LHFPL6: variants seen among roughly 807,000 people sequenced by gnomAD.
LHFPL6 encodes LHFPL tetraspan subfamily member 6, also known as LHFPL tetraspan subfamily member 6 protein.
In LHFPL6, 9 loss-of-function variants were observed where a neutral mutation model predicts 20.6. That is an observed-to-expected ratio of 0.44 (90% CI 0.26 to 0.76). The LOEUF (loss-of-function observed/expected upper bound fraction) is 0.76. Ranked by LOEUF, LHFPL6 falls within the 30% of genes least tolerant of loss-of-function variation. The pLI is 0.20. For missense variants in LHFPL6, 218 were observed against 253.5 expected, an observed-to-expected ratio of 0.86 and a Z score of 0.95; for synonymous variants, 105 against 98.7, an observed-to-expected ratio of 1.06 and a Z score of -0.38.
chr13:39,581,003 A>G (rs932303540), intron 2 of LHFPL6, among the ~76,000 whole-genome samples: 1 of 152,196 alleles, frequency 6.6e-6, no homozygotes, highest in African/African-American at 2.4e-5. Context: ...TTACTTACAG[A>G]CTTGAGGAAA....
intron 2 of LHFPL6, among the ~76,000 whole-genome samples, chr13:39,399,547 A>AAG (rs1870931782): frequency 6.6e-6 from 1 of 152,232 alleles, no homozygotes; most frequent in Non-Finnish European, 1.5e-5. Context: ...TTAGGATAGC[A>AAG]GAATTGGCAA....
intron 2 of LHFPL6, among the ~76,000 whole-genome samples, chr13:39,419,426 C>T (rs1334018267): frequency 1.3e-5 from 2 of 152,106 alleles, no homozygotes; most frequent in African/African-American, 4.8e-5. Context: ...GAAATGGTTT[C>T]AAAACATATT....
chr13:39,474,669 T>C (rs112727972), intron 2 of LHFPL6, among the ~76,000 whole-genome samples: 66 of 152,292 alleles, frequency 4.3e-4, no homozygotes, highest in African/African-American at 1.4e-3. Context: ...ATTATAAACA[T>C]TTATTAAACT....
chr13:39,414,062 T>C (rs1286305770), intron 2 of LHFPL6, among the ~76,000 whole-genome samples: 2 of 152,220 alleles, frequency 1.3e-5, no homozygotes, highest in African/African-American at 4.8e-5. Flanking sequence ...TCCACTCTAC[T>C]GTTCATAGGC....
At chr13:39,570,656 T>C (rs561290629) in intron 2 of LHFPL6, among the ~76,000 whole-genome samples, 1 of 152,066 alleles carries the variant, frequency 6.6e-6, no homozygotes, top group Non-Finnish European at 1.5e-5. Flanking sequence ...GCAATTACCA[T>C]TTGCAGCAAC....
chr13:39,374,772 T>C (rs962027986), intron 3 of LHFPL6, among the ~76,000 whole-genome samples: 1 of 152,196 alleles, frequency 6.6e-6, no homozygotes, highest in African/African-American at 2.4e-5. Flanking sequence ...ACTTCACATT[T>C]ATATTATCTT....
At chr13:39,600,130 C>T (rs1872887756) in intron 2 of LHFPL6, among the ~76,000 whole-genome samples, 1 of 152,182 alleles carries the variant, frequency 6.6e-6, no homozygotes, top group South Asian at 2.1e-4. Context: ...AAAAATCAAA[C>T]CTTTTCTGGC....
At chr13:39,593,019 T>C (rs534747180) in intron 2 of LHFPL6, among the ~76,000 whole-genome samples, 2 of 152,322 alleles carry the variant, frequency 1.3e-5, no homozygotes, top group East Asian at 3.9e-4. Context: ...TATATCATAC[T>C]GAATGGGCAA....
At chr13:39,543,865 C>A (rs961537412) in intron 2 of LHFPL6, among the ~76,000 whole-genome samples, 3 of 152,190 alleles carry the variant, frequency 2.0e-5, no homozygotes, top group Non-Finnish European at 4.4e-5. Flanking sequence ...GCAGACAAAG[C>A]AGTATCTTGA....
intron 2 of LHFPL6, among the ~76,000 whole-genome samples, chr13:39,412,841 G>A (rs779355588): frequency 1.3e-5 from 2 of 151,268 alleles, no homozygotes; most frequent in African/African-American, 2.4e-5. Flanking sequence ...AGAACTGCTC[G>A]AACCCGGGAG....
At chr13:39,432,359 T>C (rs1000292719) in intron 2 of LHFPL6, among the ~76,000 whole-genome samples, 5 of 152,222 alleles carry the variant, frequency 3.3e-5, no homozygotes, top group African/African-American at 1.2e-4. Context: ...CTTTCCCCTC[T>C]GTCCATTCCC....
chr13:39,407,324 C>T (rs578070735), intron 2 of LHFPL6, among the ~76,000 whole-genome samples: 30 of 152,302 alleles, frequency 2.0e-4, no homozygotes, highest in Admixed American at 1.8e-3. Context: ...TTCTTCCAGA[C>T]CAAGCCCTTC....
At chr13:39,443,777 G>C (rs182640221) in intron 2 of LHFPL6, among the ~76,000 whole-genome samples, 1 of 151,582 alleles carries the variant, frequency 6.6e-6, no homozygotes, top group East Asian at 1.9e-4. Context: ...GCATTCAATA[G>C]AAACAGTTCT....
At chr13:39,498,252 AC>A (rs1869164334) in intron 2 of LHFPL6, among the ~76,000 whole-genome samples, 1 of 152,202 alleles carries the variant, frequency 6.6e-6, no homozygotes, top group African/African-American at 2.4e-5. Flanking sequence ...GACCGGACTT[AC>A]CCCATGCCCA....
intron 2 of LHFPL6, among the ~76,000 whole-genome samples, chr13:39,549,919 A>C (rs907794142): frequency 6.6e-6 from 1 of 152,112 alleles, no homozygotes; most frequent in Non-Finnish European, 1.5e-5. Flanking sequence ...GGCCAGACTC[A>C]TAAGGCTACA....
intron 2 of LHFPL6, among the ~76,000 whole-genome samples, chr13:39,504,405 C>T (rs1363959996): frequency 4.6e-5 from 7 of 152,274 alleles, no homozygotes; most frequent in Admixed American, 1.3e-4. Context: ...AAGATTTCCT[C>T]GCTGTATTAG....
intron 2 of LHFPL6, among the ~76,000 whole-genome samples, chr13:39,477,854 C>T (rs1422108947): frequency 6.6e-6 from 1 of 152,106 alleles, no homozygotes; most frequent in African/African-American, 2.4e-5. Context: ...ATAGAGTCAA[C>T]AGATAGCTAA....
At chr13:39,509,150 A>G (rs1301753667) in intron 2 of LHFPL6, among the ~76,000 whole-genome samples, 1 of 152,162 alleles carries the variant, frequency 6.6e-6, no homozygotes, top group Non-Finnish European at 1.5e-5. Flanking sequence ...ACGATGGTGA[A>G]CATCTTCTCA....
chr13:39,459,236 G>A (rs997834268), intron 2 of LHFPL6, among the ~76,000 whole-genome samples: 1 of 136,012 alleles, frequency 7.4e-6, no homozygotes, highest in Non-Finnish European at 1.6e-5. Context: ...GTGTGTGTGT[G>A]TGTGTTCGTG....
Sources: gnomAD v4.1 joint callset for allele counts (sites outside exome capture counted in the v4.1 genomes callset) on GRCh38, gnomAD v4.1.1 for gene constraint, MANE v1.5 for transcripts, NCBI Gene and HGNC (gene_info 2026-07-23, HGNC 2026-07-21) for gene names.